IL6ST: variants seen among roughly 807,000 people sequenced by gnomAD.
IL6ST encodes interleukin 6 cytokine family signal transducer, also known as interleukin-6 receptor subunit beta.
Under a neutral mutation model 91.3 loss-of-function variants are expected in IL6ST, and 24 were observed. The observed-to-expected ratio is 0.26, with a 90% CI of 0.19 to 0.37. The LOEUF is 0.37. Among genes scored for constraint, IL6ST ranks in the 10% least tolerant of loss-of-function variants. The pLI is 1.00. For missense variants in IL6ST, 914 were observed against 1,078.5 expected, an observed-to-expected ratio of 0.85 and a Z score of 2.14; for synonymous variants, 351 against 373.6, an observed-to-expected ratio of 0.94 and a Z score of 0.70.
chr5:55,990,022 C>G, intron 1 of IL6ST, among the ~76,000 whole-genome samples: 1 of 152,102 alleles, frequency 6.6e-6, no homozygotes, highest in East Asian at 1.9e-4. Flanking sequence ...GCAGATCAAT[C>G]AACCTTAGAG....
At chr5:55,948,693 C>CT (rs1751432392) in intron 14 of IL6ST, among the ~76,000 whole-genome samples, 1 of 152,036 alleles carries the variant, frequency 6.6e-6, no homozygotes, top group Non-Finnish European at 1.5e-5. Context: ...TAAACATCTG[C>CT]TTTTATGTTT....
At chr5:55,957,712 G>C (rs934396577) in intron 8 of IL6ST, among the ~76,000 whole-genome samples, 4 of 151,938 alleles carry the variant, frequency 2.6e-5, no homozygotes, top group Admixed American at 2.0e-4. Context: ...GCCTCTTCAT[G>C]ATCAACACAT....
At chr5:55,981,597 C>G (rs763974947) in intron 2 of IL6ST, among the ~76,000 whole-genome samples, 3 of 151,856 alleles carry the variant, frequency 2.0e-5, no homozygotes, top group Non-Finnish European at 4.4e-5. Flanking sequence ...GAGCCAAGAT[C>G]GTGCCATTGC....
intron 3 of IL6ST, among the ~76,000 whole-genome samples, chr5:55,970,213 C>T (rs1312303760): frequency 6.6e-6 from 1 of 152,140 alleles, no homozygotes; most frequent in East Asian, 1.9e-4. Flanking sequence ...ACTAAACTCT[C>T]CAGAAAACAG....
intron 11 of IL6ST, among the ~76,000 whole-genome samples, chr5:55,953,953 C>T (rs2111694190): frequency 6.6e-6 from 1 of 152,308 alleles, no homozygotes; most frequent in South Asian, 2.1e-4. Context: ...TGCCACCATA[C>T]TCTAGCCTAG....
Position 55,952,041 on chromosome 5 carries a change from T to A in IL6ST, c.1587A>T (p.Lys529Asn). Residue 529 changes from lysine (K) to asparagine (N), a missense_variant, in exon 13 of 17, where the codon AAA becomes AAT. Coordinates refer to ENST00000381298, the MANE Select transcript of IL6ST (RefSeq NM_002184.4). ...PSKGPTVRTKKVGKNEAVLEW... is the reference protein window; with the variant it reads ...PSKGPTVRTKNVGKNEAVLEW... ...CTAAGACAGCTTCGTTTTTCCCTAC[T>A]TTTTTTGTCCGAACAGTAGGTCCTT... 6.2e-7 allele frequency: 1 copy of A among 1,611,040 alleles called. No homozygotes were observed. The highest frequency in any genetic ancestry group is 8.5e-7 in the Non-Finnish European group (1 of 1,177,824).
intron 1 of IL6ST, among the ~76,000 whole-genome samples, chr5:55,988,947 T>TA (rs1480807107): frequency 6.9e-6 from 1 of 144,628 alleles, no homozygotes; most frequent in Non-Finnish European, 1.5e-5. Context: ...CCCATCTCTA[T>TA]AAAAAATAAA....
intron 4 of IL6ST, among the ~76,000 whole-genome samples, 198 bp from the exon 5 acceptor site, chr5:55,968,594 T>C (rs1752773998): frequency 1.3e-5 from 2 of 152,218 alleles, no homozygotes; most frequent in Admixed American, 6.5e-5. Flanking sequence ...AAGTAATATA[T>C]ATACATCCAT....
Position 55,969,632 on chromosome 5 carries a change from T to C in IL6ST, c.288A>G (p.Ser96=). ...ASSVTFTDIA[S]LNIQLTCNIL... ...TGTTGCAAGTGAGCTGAATATTTAATGAAGCTATATCTGTAAAGGTGACAC... is the reference window on the plus strand; with the variant it reads ...TGTTGCAAGTGAGCTGAATATTTAACGAAGCTATATCTGTAAAGGTGACAC... Residue 96 remains serine (S), a synonymous_variant, in exon 4 of 17, where the codon TCA becomes TCG. Transcript: ENST00000381298. The C allele has an allele frequency of 6.2e-7, 1 of 1,612,748 alleles. No individual in the cohort carries two copies. The highest frequency in any genetic ancestry group is 2.2e-5 in the East Asian group (1 of 44,814).
chr5:55,984,007 A>AT (rs35768498), intron 1 of IL6ST, among the ~76,000 whole-genome samples: 16,200 of 146,372 alleles, frequency 0.11, 920 homozygotes, highest in Middle Eastern at 0.16. Flanking sequence ...CCCTTTACTG[A>AT]TTTTTTTTTT....
At chr5:55,977,637 C>A (rs1354732851) in intron 2 of IL6ST, among the ~76,000 whole-genome samples, 1 of 152,004 alleles carries the variant, frequency 6.6e-6, no homozygotes, top group Non-Finnish European at 1.5e-5. Flanking sequence ...ACGAGCCTGG[C>A]CAACATGGTG....
chr5:55,945,637 A>G (rs143368820), intron 15 of IL6ST, among the ~76,000 whole-genome samples: 1 of 150,582 alleles, frequency 6.6e-6, no homozygotes, highest in South Asian at 2.1e-4. Context: ...CATCAAAATA[A>G]AAAACTTATG....
chr5:55,989,450 C>T (rs1754189129), intron 1 of IL6ST, among the ~76,000 whole-genome samples: 1 of 152,168 alleles, frequency 6.6e-6, no homozygotes, highest in Admixed American at 6.5e-5. Flanking sequence ...ACTCTCTCTC[C>T]AGATTAAGGA....
chr5:55,940,108 TAA>T lies in IL6ST; in HGVS notation c.*972_*973del, dbSNP rs1218280597. ...TCATCTACCCAGTACTCTGAAGTCT[TAA>T]GAAAAGTCAATGATATGTGTGTGTA... On this transcript the variant is annotated 3_prime_UTR_variant, in exon 17 of 17. Transcript: ENST00000381298. 7.8e-5 allele frequency: 13 copies of T among 166,458 alleles called. No homozygotes were observed. The highest frequency in any genetic ancestry group is 3.4e-4 in the African/African-American group (13 of 38,074). The allele number at this position is 166,458 out of a possible 1,614,324, so 10.3% of individuals were successfully genotyped here.
At chr5:55,981,992 C>T (rs1054805674) in intron 2 of IL6ST, among the ~76,000 whole-genome samples, 45 of 152,070 alleles carry the variant, frequency 3.0e-4, no homozygotes, top group African/African-American at 1.1e-3. Flanking sequence ...AGTATTGCTA[C>T]TTTTAATGTT....
At chr5:55,990,281 TAA>T (rs34154995) in intron 1 of IL6ST, among the ~76,000 whole-genome samples, 1 of 147,236 alleles carries the variant, frequency 6.8e-6, no homozygotes, top group Non-Finnish European at 1.5e-5. Flanking sequence ...CCGCAAAGTT[TAA>T]AAAAAAAAGA....
chr5:55,985,288 G>A (rs1753896036), intron 1 of IL6ST, among the ~76,000 whole-genome samples: 1 of 152,062 alleles, frequency 6.6e-6, no homozygotes, highest in Non-Finnish European at 1.5e-5. Context: ...GGCCGAAGTG[G>A]GTAGATCACC....
intron 14 of IL6ST, among the ~76,000 whole-genome samples, chr5:55,950,898 A>G (rs1328218513): frequency 6.6e-6 from 1 of 151,820 alleles, no homozygotes; most frequent in African/African-American, 2.4e-5. Flanking sequence ...GCAGTGTGCC[A>G]TGTTCATGCC....
chr5:55,982,928 T>C (rs1255315362), intron 1 of IL6ST, 117 bp from the exon 2 acceptor site: 22 of 393,484 alleles, frequency 5.6e-5, no homozygotes, highest in Middle Eastern at 6.3e-4. Context: ...TATCCTACTT[T>C]AGATATGTTC....
Sources: allele counts gnomAD v4.1 joint callset (sites outside exome capture counted in the v4.1 genomes callset), GRCh38; gene constraint gnomAD v4.1.1; transcripts MANE v1.5; gene names NCBI Gene and HGNC (gene_info 2026-07-23, HGNC 2026-07-21).